Variants in NTSR1 observed in about 807,000 individuals in gnomAD.
NTSR1 encodes neurotensin receptor type 1.
In NTSR1, 29 loss-of-function variants were observed where a neutral mutation model predicts 31.2. The ratio of observed to expected loss-of-function variants is 0.93; its 90% CI spans 0.69 to 1.27. NTSR1 has a LOEUF of 1.27. Among genes scored for constraint, NTSR1 ranks in the 50% most tolerant of loss-of-function variants. The pLI is 0.00. For synonymous variants in NTSR1, 282 were observed against 269.9 expected, an observed-to-expected ratio of 1.04 and a Z score of -0.44; for missense variants, 697 against 595.4, an observed-to-expected ratio of 1.17 and a Z score of -1.78.
chr20:62,734,243 G>A lies in NTSR1; in HGVS notation c.715-20442G>A, dbSNP rs531126131. Among the ~76,000 whole-genome samples, 156 of 151,876 alleles carry A rather than the reference G, an allele frequency of 1.0e-3. 1 individual carries two copies. The highest frequency in any genetic ancestry group is 3.4e-3 in the Middle Eastern group (1 of 294). On this transcript the variant is annotated intron_variant, in intron 1 of 3. Coordinates refer to ENST00000370501, the MANE Select transcript of NTSR1 (RefSeq NM_002531.3). ...GGCGTGAGGGGCGGGCGGAGGCAGCGAGGTCTGGGATGAGAGCTTTTCTGG... is the reference window on the plus strand; with the variant it reads ...GGCGTGAGGGGCGGGCGGAGGCAGCAAGGTCTGGGATGAGAGCTTTTCTGG...
chr20:62,747,711 C>T (rs1454769522), intron 1 of NTSR1, among the ~76,000 whole-genome samples: 1 of 152,134 alleles, frequency 6.6e-6, no homozygotes, highest in Non-Finnish European at 1.5e-5. Flanking sequence ...ATTGTCTCTG[C>T]AGATGACATG....
intron 1 of NTSR1, among the ~76,000 whole-genome samples, chr20:62,738,951 C>G (rs1018845014): frequency 8.5e-5 from 13 of 152,220 alleles, no homozygotes; most frequent in Admixed American, 8.5e-4. Context: ...ACTCTAGGAT[C>G]TAGAAATGGG....
chr20:62,749,423 A>G (rs1057139569), intron 1 of NTSR1, among the ~76,000 whole-genome samples: 4 of 152,346 alleles, frequency 2.6e-5, no homozygotes, highest in African/African-American at 9.6e-5. Flanking sequence ...ACCTGAAACT[A>G]TAACACTGCT....
intron 1 of NTSR1, among the ~76,000 whole-genome samples, chr20:62,740,595 C>T (rs894123524): frequency 6.6e-6 from 1 of 152,186 alleles, no homozygotes; most frequent in South Asian, 2.1e-4. Context: ...GCTGTGGACT[C>T]GAGCCCAGGG....
At chr20:62,747,771 CAAAAA>C (rs59083716) in intron 1 of NTSR1, among the ~76,000 whole-genome samples, 1 of 151,072 alleles carries the variant, frequency 6.6e-6, no homozygotes, top group Admixed American at 6.6e-5. Context: ...AAAACAAAAA[CAAAAA>C]AAAACTGTTA....
At position 62,745,965 on chromosome 20, in the gene NTSR1, G is replaced by T. The variant is rs1027587018; in HGVS notation, c.715-8720G>T. 6.6e-6 allele frequency among the ~76,000 whole-genome samples: 1 copy of T among 152,228 alleles called. No homozygotes were observed. Among genetic ancestry groups the T allele is most frequent in the African/African-American group, 2.4e-5 (1 of 41,452 alleles). ...AGTGGCGCTGAGGCATCCTCTGGCC[G>T]GCCCTGCATGGCCTTCAAGCTGCTT... On this transcript the variant is annotated intron_variant, in intron 1 of 3. Transcript: ENST00000370501. The surrounding 1 kb of genome is among the most constrained non-coding windows in gnomAD (Gnocchi z 4.1).
chr20:62,752,532 G>A (rs1483975594), intron 1 of NTSR1, among the ~76,000 whole-genome samples: 1 of 152,218 alleles, frequency 6.6e-6, no homozygotes, highest in Admixed American at 6.5e-5. Context: ...GGCAGACTCT[G>A]TTCCCTCCCT....
Position 62,709,140 on chromosome 20 carries a change from G to C in NTSR1, c.-68G>C. On this transcript the variant is annotated 5_prime_UTR_variant, in exon 1 of 4. Coordinates refer to ENST00000370501, the MANE Select transcript of NTSR1 (RefSeq NM_002531.3). ...CCGTTCATCGGTCCCCGCCTGAGAC[G>C]CGCCCACTCCTGCCCGGACTTCCAG... The C allele has an allele frequency of 8.0e-7, 1 of 1,248,002 alleles. No homozygotes were observed. The highest frequency in any genetic ancestry group is 1.0e-6 in the Non-Finnish European group (1 of 960,974). The allele number at this position is 1,248,002 out of a possible 1,614,324, so 77.3% of individuals were successfully genotyped here. A position where few individuals can be genotyped will look rare whatever the true frequency, so the allele number is the denominator to read the frequency against.
At position 62,758,773 on chromosome 20, in the gene NTSR1, C is replaced by T. The variant is rs113649100; in HGVS notation, c.1007+417C>T. Among the ~76,000 whole-genome samples the T allele has an allele frequency of 0.016, 2,502 of 152,258 alleles. 87 individuals carry two copies. The highest frequency in any genetic ancestry group is 0.057 in the African/African-American group (2,380 of 41,528). ...GGGCTGTGACTTATCGCAGCAAGAG[C>T]ACCAATACTGACAAAGCTTTGCTTA... On this transcript the variant is annotated intron_variant, in intron 3 of 3. Transcript: ENST00000370501. This position sits in a 1 kb window ranked among gnomAD's most constrained non-coding sequence, Gnocchi z 4.5.
rs529068892 is a variant in NTSR1, at chr20:62,744,138, T to A, written c.715-10547T>A. Among the ~76,000 whole-genome samples, 4 of 152,274 alleles carry A rather than the reference T, an allele frequency of 2.6e-5. 1 individual carries two copies. In the South Asian group the frequency reaches 6.2e-4, roughly 24 times the overall value. On this transcript the variant is annotated intron_variant, in intron 1 of 3. Transcript: ENST00000370501. This position sits in a 1 kb window ranked among gnomAD's most constrained non-coding sequence, Gnocchi z 4.1. Reference sequence around the variant, plus strand: ...CCCCACCAGCCGTCGCCCCAGCGTGTCCCATCCCAGCCTCCCAAGCCGCAG... The same window carrying A: ...CCCCACCAGCCGTCGCCCCAGCGTGACCCATCCCAGCCTCCCAAGCCGCAG...
intron 1 of NTSR1, among the ~76,000 whole-genome samples, chr20:62,728,264 C>T (rs1355688981): frequency 6.6e-6 from 1 of 152,098 alleles, no homozygotes; most frequent in Non-Finnish European, 1.5e-5. Flanking sequence ...ACCTTGGGGT[C>T]GGTGCTCTCT....
In NTSR1 at chr20:62,742,203, C is replaced by T. The variant is rs985073091; in HGVS notation, c.715-12482C>T. The stretch of plus-strand genomic sequence containing the variant: ...CTCCCCACAGTGGTCCCACAGACAC[C>T]GAGGTGGCTGACATGGCCCCTCCAG... On this transcript the variant is annotated intron_variant, in intron 1 of 3. Coordinates refer to ENST00000370501, the MANE Select transcript of NTSR1 (RefSeq NM_002531.3). This position sits in a 1 kb window ranked among gnomAD's most constrained non-coding sequence, Gnocchi z 7.1. 7.4e-5 allele frequency among the ~76,000 whole-genome samples: 11 copies of T among 149,506 alleles called. 1 individual carries two copies. The highest frequency in any genetic ancestry group is 2.8e-4 in the African/African-American group (11 of 39,996).
At chr20:62,723,231 G>A (rs893552563) in intron 1 of NTSR1, among the ~76,000 whole-genome samples, 4 of 152,156 alleles carry the variant, frequency 2.6e-5, no homozygotes, top group African/African-American at 9.7e-5. Flanking sequence ...CAGAGAGTAC[G>A]GGAGCTGTTT....
At position 62,758,398 on chromosome 20, in the gene NTSR1, G is replaced by T; in HGVS notation, c.1007+42G>T. ...AGGAAGTTGGGTGCTGGACAAGTAA[G>T]TGCTCCCAAAACAGATGGTGGGTGT... On this transcript the variant is annotated intron_variant, in intron 3 of 3. Coordinates refer to ENST00000370501, the MANE Select transcript of NTSR1 (RefSeq NM_002531.3). This position sits in a 1 kb window ranked among gnomAD's most constrained non-coding sequence, Gnocchi z 4.5. 1 of 1,564,302 alleles carries T rather than the reference G, an allele frequency of 6.4e-7. No homozygotes were observed.
intron 1 of NTSR1, among the ~76,000 whole-genome samples, chr20:62,718,212 A>C (rs1453672846): frequency 6.6e-6 from 1 of 152,080 alleles, no homozygotes; most frequent in Non-Finnish European, 1.5e-5. Flanking sequence ...GGAGATTCTG[A>C]GCAGAGCCGC....
At chr20:62,718,365 G>A (rs369503575) in intron 1 of NTSR1, among the ~76,000 whole-genome samples, 2 of 152,126 alleles carry the variant, frequency 1.3e-5, no homozygotes, top group African/African-American at 2.4e-5. Context: ...AGAAGGTGGC[G>A]GAGAGGGGTT....
chr20:62,747,069 A>G (rs1600732184), intron 1 of NTSR1, among the ~76,000 whole-genome samples: 1 of 152,384 alleles, frequency 6.6e-6, no homozygotes, highest in East Asian at 1.9e-4. Context: ...TATCCCTGGG[A>G]TGGAAACACA....
rs542324725 is a variant in NTSR1 at position 62,753,814 on chromosome 20, C to A, written c.715-871C>A. Among the ~76,000 whole-genome samples, 3 of 152,360 alleles carry A rather than the reference C, an allele frequency of 2.0e-5. No individual in the cohort carries two copies. The South Asian group carries it at 6.2e-4, about 32-fold the overall frequency. ...CCTGGCTGGTTCTGCTGCTGCCAGT[C>A]CGCAGACATGTCCCCTTCCTGTTCT... On this transcript the variant is annotated intron_variant, in intron 1 of 3. Coordinates refer to ENST00000370501, the MANE Select transcript of NTSR1 (RefSeq NM_002531.3).
chr20:62,745,230 G>A lies in NTSR1; in HGVS notation c.715-9455G>A, dbSNP rs1386385618. On this transcript the variant is annotated intron_variant, in intron 1 of 3. Transcript: ENST00000370501. This position sits in a 1 kb window ranked among gnomAD's most constrained non-coding sequence, Gnocchi z 4.1. ...ACAGCAACACAAAGACAGAGAGAGA[G>A]ACACAGAGAGGAAAGCAGAGACACA... Among the ~76,000 whole-genome samples the A allele has an allele frequency of 1.3e-5, 2 of 152,130 alleles. No individual in the cohort carries two copies. The highest frequency in any genetic ancestry group is 1.9e-4 in the East Asian group (1 of 5,196).
Sources: allele counts gnomAD v4.1 joint callset (sites outside exome capture counted in the v4.1 genomes callset), GRCh38; gene constraint gnomAD v4.1.1; non-coding constraint Gnocchi (gnomAD v3.1); transcripts MANE v1.5; gene names NCBI Gene and HGNC (gene_info 2026-07-23, HGNC 2026-07-21).